HHAT: variants seen among roughly 807,000 people sequenced by gnomAD.
HHAT encodes the protein protein-cysteine N-palmitoyltransferase HHAT.
HHAT carries 47 observed loss-of-function variants against 70.8 expected under a neutral mutation model. The observed-to-expected ratio is 0.66, with a 90% CI of 0.53 to 0.85. HHAT has a LOEUF of 0.85. Among genes scored for constraint, HHAT ranks in the 40% least tolerant of loss-of-function variants. The pLI, the probability that HHAT is intolerant of heterozygous loss-of-function variation, is 0.00. For synonymous variants in HHAT, 228 were observed against 247.6 expected (o/e 0.92, Z 0.74); for missense variants, 609 against 604.8 (o/e 1.01, Z -0.07).
At chr1:210,410,522 A>ATTT (rs2092504753) in intron 6 of HHAT, among the ~76,000 whole-genome samples, 1 of 92,222 alleles carries the variant, frequency 1.1e-5, no homozygotes, top group African/African-American at 3.6e-5. Context: ...TTTATTTGTA[A>ATTT]ATTTTTTTTT....
At chr1:210,370,741 A>G (rs2089496050) in intron 3 of HHAT, among the ~76,000 whole-genome samples, 1 of 149,638 alleles carries the variant, frequency 6.7e-6, no homozygotes, top group East Asian at 2.0e-4. Flanking sequence ...CAGCCTCCCG[A>G]GTAGCTGGGA....
In HHAT at chr1:210,551,548, C is replaced by T. The variant is rs189356170; in HGVS notation, c.1044-36350C>T. Among the ~76,000 whole-genome samples the T allele has an allele frequency of 2.8e-4, 42 of 152,286 alleles. 2 individuals are homozygous for T. The highest frequency in any genetic ancestry group is 9.1e-4 in the African/African-American group (38 of 41,554). On this transcript the variant is annotated intron_variant, in intron 9 of 11. Coordinates refer to ENST00000261458, the MANE Select transcript of HHAT (RefSeq NM_018194.6). ...CTTTAAAGTGATTAATGCTTTCCCC[C>T]TTCATTATTCAAGATAAAACTTTAT...
At chr1:210,640,384 A>G (rs1000629404) in intron 11 of HHAT, among the ~76,000 whole-genome samples, 1 of 152,160 alleles carries the variant, frequency 6.6e-6, no homozygotes, top group Non-Finnish European at 1.5e-5. Flanking sequence ...CCTTATGAAG[A>G]GAATTGTTTG....
intron 4 of HHAT, among the ~76,000 whole-genome samples, chr1:210,391,687 A>T (rs2091469312): frequency 6.6e-6 from 1 of 152,274 alleles, no homozygotes; most frequent in African/African-American, 2.4e-5. Context: ...TAAAACTACA[A>T]TAAGATAACA....
intron 6 of HHAT, among the ~76,000 whole-genome samples, chr1:210,413,510 C>T (rs780659450): frequency 2.6e-5 from 4 of 152,204 alleles, no homozygotes; most frequent in Non-Finnish European, 4.4e-5. Flanking sequence ...CTTTTCTCCT[C>T]TGCTGTTTTA....
intron 7 of HHAT, among the ~76,000 whole-genome samples, chr1:210,451,563 G>T (rs937220258): frequency 8.5e-5 from 13 of 152,100 alleles, no homozygotes; most frequent in Non-Finnish European, 1.6e-4. Context: ...TTTACACTTT[G>T]AAATATCTTT....
At chr1:210,349,462 G>C (rs1224968709) in intron 2 of HHAT, among the ~76,000 whole-genome samples, 2 of 152,068 alleles carry the variant, frequency 1.3e-5, no homozygotes, top group Non-Finnish European at 2.9e-5. Context: ...GAGTGTTGGA[G>C]ATAAATCATC....
intron 8 of HHAT, among the ~76,000 whole-genome samples, chr1:210,500,407 TG>T (rs1458437775): frequency 6.6e-6 from 1 of 152,216 alleles, no homozygotes; most frequent in African/African-American, 2.4e-5. Flanking sequence ...GGCACCTTTT[TG>T]GTAAGTATTG....
chr1:210,516,737 TAA>T (rs35733551), intron 9 of HHAT, among the ~76,000 whole-genome samples: 3 of 146,488 alleles, frequency 2.0e-5, no homozygotes, highest in African/African-American at 7.5e-5. Flanking sequence ...GTGTTTGGCA[TAA>T]AAAAAAAAAG....
chr1:210,474,357 C>T (rs945087076), intron 8 of HHAT, among the ~76,000 whole-genome samples: 5 of 152,204 alleles, frequency 3.3e-5, no homozygotes, highest in Admixed American at 2.0e-4. Flanking sequence ...GTGGCGCCAT[C>T]ACGGCTCACT....
intron 9 of HHAT, among the ~76,000 whole-genome samples, chr1:210,567,858 C>T (rs1025831934): frequency 6.6e-6 from 1 of 152,182 alleles, no homozygotes; most frequent in Non-Finnish European, 1.5e-5. Flanking sequence ...AGCTGGGTGC[C>T]CTTGGTTCTC....
chr1:210,661,129 C>G (rs1677606634), intron 11 of HHAT, among the ~76,000 whole-genome samples: 1 of 152,174 alleles, frequency 6.6e-6, no homozygotes, highest in Non-Finnish European at 1.5e-5. Flanking sequence ...AGTGAACAGG[C>G]AACCTACAGA....
At chr1:210,614,684 A>G (rs1008977333) in intron 10 of HHAT, among the ~76,000 whole-genome samples, 3 of 152,014 alleles carry the variant, frequency 2.0e-5, no homozygotes, top group African/African-American at 7.3e-5. Context: ...TCCTTGTGAT[A>G]GTTTGCTGAG....
At chr1:210,588,313 C>G in intron 10 of HHAT, 1 of 470,344 alleles carries the variant, frequency 2.1e-6, no homozygotes, top group East Asian at 3.2e-5. Context: ...GTATATATAA[C>G]TATAAAAAAT....
At chr1:210,456,106 G>C (rs1242317640) in intron 7 of HHAT, among the ~76,000 whole-genome samples, 1 of 152,160 alleles carries the variant, frequency 6.6e-6, no homozygotes, top group Non-Finnish European at 1.5e-5. Flanking sequence ...TGGACCCAAG[G>C]AGCACAGCCT....
chr1:210,656,035 A>C (rs1276961050), intron 11 of HHAT, among the ~76,000 whole-genome samples: 5 of 152,212 alleles, frequency 3.3e-5, no homozygotes, highest in Admixed American at 6.5e-5. Context: ...GAGTGATTCC[A>C]AACAAAGATG....
At chr1:210,443,379 A>G (rs2093568113) in intron 7 of HHAT, among the ~76,000 whole-genome samples, 1 of 150,526 alleles carries the variant, frequency 6.6e-6, no homozygotes, top group African/African-American at 2.4e-5. Context: ...CAATTCTGTG[A>G]GGAAAGTCAT....
At chr1:210,483,832 T>C (rs1166414728) in intron 8 of HHAT, among the ~76,000 whole-genome samples, 1 of 152,168 alleles carries the variant, frequency 6.6e-6, no homozygotes, top group African/African-American at 2.4e-5. Flanking sequence ...GGTAGAATAA[T>C]ATAAGTATAA....
intron 2 of HHAT, among the ~76,000 whole-genome samples, chr1:210,360,125 C>T (rs1275594960): frequency 6.6e-6 from 1 of 152,152 alleles, no homozygotes; most frequent in Non-Finnish European, 1.5e-5. Context: ...GTATCAACTA[C>T]ATTCTGCAGC....
Sources: gnomAD v4.1 joint callset for allele counts (sites outside exome capture counted in the v4.1 genomes callset) on GRCh38, gnomAD v4.1.1 for gene constraint, MANE v1.5 for transcripts, NCBI Gene and HGNC (gene_info 2026-07-23, HGNC 2026-07-21) for gene names.